Variants in THRB observed in about 807,000 individuals in gnomAD.
THRB encodes the protein nuclear receptor subfamily 1 group A member 2.
A neutral mutation model predicts 47.8 loss-of-function variants in THRB; 12 were observed. That is an observed-to-expected ratio of 0.25 (90% CI 0.16 to 0.41). The LOEUF (loss-of-function observed/expected upper bound fraction) is 0.41, where lower values mean the gene tolerates loss of function less well. Ranked by LOEUF, THRB falls within the 10% of genes least tolerant of loss-of-function variation. The probability of loss-of-function intolerance (pLI) is 1.00; values close to 1 mark genes in which losing one functional copy is unlikely to be tolerated. For missense variants in THRB, 348 were observed against 589.2 expected, an observed-to-expected ratio of 0.59 and a Z score of 4.24; for synonymous variants, 218 against 212.2, an observed-to-expected ratio of 1.03 and a Z score of -0.24.
chr3:24,150,022 G>A (rs1224188368), intron 6 of THRB, among the ~76,000 whole-genome samples: 2 of 152,192 alleles, frequency 1.3e-5, no homozygotes, highest in African/African-American at 2.4e-5. Context: ...AATGTGAAAA[G>A]GAGATAACTC....
intron 1 of THRB, among the ~76,000 whole-genome samples, chr3:24,438,231 G>A (rs570210966): frequency 7.8e-4 from 118 of 152,064 alleles, no homozygotes; most frequent in African/African-American, 1.7e-3. Context: ...AAACCAGGCC[G>A]TCATCCTCCA....
chr3:24,440,700 AT>A (rs564321951), intron 1 of THRB, among the ~76,000 whole-genome samples: 1 of 152,080 alleles, frequency 6.6e-6, no homozygotes, highest in Non-Finnish European at 1.5e-5. Context: ...TAAAAAGATG[AT>A]TTTTTTCCCA....
intron 2 of THRB, among the ~76,000 whole-genome samples, chr3:24,326,041 A>G (rs1255137220): frequency 6.6e-6 from 1 of 152,136 alleles, no homozygotes; most frequent in Non-Finnish European, 1.5e-5. Context: ...TAATGCCCTC[A>G]GTCAAGGATT....
chr3:24,440,551 A>G (rs1169327589), intron 1 of THRB, among the ~76,000 whole-genome samples: 1 of 152,236 alleles, frequency 6.6e-6, no homozygotes, highest in Admixed American at 6.5e-5. Flanking sequence ...TTGTAGTCAC[A>G]TGCATTTATT....
At chr3:24,324,171 C>T (rs1019789311) in intron 2 of THRB, among the ~76,000 whole-genome samples, 6 of 152,144 alleles carry the variant, frequency 3.9e-5, no homozygotes, top group Admixed American at 6.5e-5. Context: ...GATCACACAC[C>T]GCACATCTCA....
intron 5 of THRB, among the ~76,000 whole-genome samples, chr3:24,174,722 T>A (rs965216015): frequency 3.9e-5 from 6 of 152,174 alleles, no homozygotes; most frequent in Non-Finnish European, 7.3e-5. Context: ...TCACACACAG[T>A]TTCCTGCGTA....
chr3:24,140,221 C>G (rs2035257177), intron 8 of THRB, among the ~76,000 whole-genome samples: 1 of 152,168 alleles, frequency 6.6e-6, no homozygotes, highest in Admixed American at 6.5e-5. Flanking sequence ...TGTACTATCT[C>G]CAAGGATGGG....
At chr3:24,371,377 C>T (rs1048638785) in intron 1 of THRB, among the ~76,000 whole-genome samples, 1 of 152,096 alleles carries the variant, frequency 6.6e-6, no homozygotes, top group Non-Finnish European at 1.5e-5. Flanking sequence ...ATGTTTCAGA[C>T]ATGATTCCTA....
intron 1 of THRB, among the ~76,000 whole-genome samples, chr3:24,353,947 G>A (rs1386832810): frequency 6.6e-6 from 1 of 152,056 alleles, no homozygotes; most frequent in Non-Finnish European, 1.5e-5. Flanking sequence ...TGGTAGTCTT[G>A]TGCCCTGATT....
chr3:24,244,982 GC>G (rs762901112), intron 3 of THRB, among the ~76,000 whole-genome samples: 9 of 152,210 alleles, frequency 5.9e-5, no homozygotes, highest in Non-Finnish European at 1.2e-4. Context: ...CTTGACATAT[GC>G]CCATCAGTGC....
chr3:24,146,050 C>A (rs1029185827), intron 7 of THRB, among the ~76,000 whole-genome samples: 1 of 152,182 alleles, frequency 6.6e-6, no homozygotes, highest in Admixed American at 6.5e-5. Context: ...CCACCATATG[C>A]TGTAGCACTT....
intron 1 of THRB, among the ~76,000 whole-genome samples, chr3:24,487,014 C>A (rs1301332231): frequency 6.6e-6 from 1 of 152,136 alleles, no homozygotes. Context: ...TACACCTAAA[C>A]AGCAGAAAGA....
At chr3:24,272,682 T>A (rs2053478690) in intron 3 of THRB, among the ~76,000 whole-genome samples, 1 of 152,174 alleles carries the variant, frequency 6.6e-6, no homozygotes, top group African/African-American at 2.4e-5. Flanking sequence ...AATTCATTTC[T>A]GGTAGGATTA....
At chr3:24,483,887 C>T (rs1314579190) in intron 1 of THRB, 1 of 152,236 alleles carries the variant, frequency 6.6e-6, no homozygotes, top group Non-Finnish European at 1.5e-5. Context: ...TCCCATCCCG[C>T]TTTATTTAGG....
At chr3:24,326,542 A>G (rs2061604475) in intron 2 of THRB, among the ~76,000 whole-genome samples, 1 of 151,990 alleles carries the variant, frequency 6.6e-6, no homozygotes. Flanking sequence ...GGCCAGTTAC[A>G]ACTTTCTTAA....
intron 3 of THRB, 142 bp from the exon 4 acceptor site, chr3:24,229,143 T>C (rs971826482): frequency 9.8e-6 from 6 of 611,014 alleles, no homozygotes; most frequent in East Asian, 2.8e-5. Context: ...CACCGAAGCA[T>C]AGGTGGGCTA....
intron 5 of THRB, among the ~76,000 whole-genome samples, chr3:24,188,683 A>G (rs1447293123): frequency 2.0e-5 from 3 of 152,098 alleles, no homozygotes; most frequent in African/African-American, 7.2e-5. Flanking sequence ...ATGTTGAGAT[A>G]CAATCTGGCC....
intron 1 of THRB, among the ~76,000 whole-genome samples, chr3:24,447,104 A>G (rs2072170536): frequency 6.6e-6 from 1 of 152,216 alleles, no homozygotes; most frequent in Non-Finnish European, 1.5e-5. Flanking sequence ...AGCAACATAT[A>G]TTTTAATTAT....
chr3:24,481,229 G>GTT (rs746323691), intron 1 of THRB, among the ~76,000 whole-genome samples: 841 of 55,356 alleles, frequency 0.015, 83 homozygotes, highest in African/African-American at 0.045. Context: ...GTTTCTTTCT[G>GTT]TTTTTTTTTT....
Sources: gnomAD v4.1 joint callset for allele counts (sites outside exome capture counted in the v4.1 genomes callset) on GRCh38, gnomAD v4.1.1 for gene constraint, MANE v1.5 for transcripts, NCBI Gene and HGNC (gene_info 2026-07-23, HGNC 2026-07-21) for gene names.